Variants in SHISA6 observed in about 807,000 individuals in gnomAD.
SHISA6 encodes protein shisa-6.
A neutral mutation model predicts 47.9 loss-of-function variants in SHISA6; 22 were observed. The ratio of observed to expected loss-of-function variants is 0.46; its 90% confidence interval spans 0.33 to 0.66. The LOEUF is 0.66. Ranked by LOEUF, SHISA6 falls within the 30% of genes least tolerant of loss-of-function variation. The pLI is 0.02. For synonymous variants in SHISA6, 388 were observed against 337.8 expected, an observed-to-expected ratio of 1.15 and a Z score of -1.63; for missense variants, 680 against 764.6, an observed-to-expected ratio of 0.89 and a Z score of 1.30.
intron 3 of SHISA6, among the ~76,000 whole-genome samples, chr17:11,459,126 G>A (rs1446371920): frequency 1.3e-5 from 2 of 151,218 alleles, no homozygotes; most frequent in Non-Finnish European, 2.9e-5. Flanking sequence ...GACTGAGGCA[G>A]GAGAATGGCA....
Position 11,477,388 on chromosome 17 carries a change from A to G in SHISA6, c.896-74508A>G, listed in dbSNP as rs190025332. On this transcript the variant is annotated intron_variant, in intron 3 of 5. Transcript: ENST00000441885. Reference sequence around the variant, plus strand: ...TTAATTGAACATTTTACATGATTCTATTTTCTCTAATTTCTTAACCTATCA... The same window carrying G: ...TTAATTGAACATTTTACATGATTCTGTTTTCTCTAATTTCTTAACCTATCA... Among the ~76,000 whole-genome samples, 332 of 151,956 alleles carry G rather than the reference A, an allele frequency of 2.2e-3. 2 individuals are homozygous for G. Among genetic ancestry groups the G allele is most frequent in the Non-Finnish European group, 2.4e-3 (164 of 67,944 alleles).
intron 2 of SHISA6, among the ~76,000 whole-genome samples, chr17:11,319,298 C>T (rs1459902477): frequency 2.0e-5 from 3 of 152,064 alleles, no homozygotes; most frequent in African/African-American, 2.4e-5. Context: ...AGGCTAGTCT[C>T]GAACTCCTGA....
intron 1 of SHISA6, among the ~76,000 whole-genome samples, chr17:11,247,610 G>T (rs1039413539): frequency 1.3e-5 from 2 of 152,122 alleles, no homozygotes; most frequent in Non-Finnish European, 2.9e-5. Flanking sequence ...AGATTGGTTG[G>T]TGGTGGTGGG....
rs774621058 is a variant in SHISA6 at position 11,514,529 on chromosome 17, C to A, written c.896-37367C>A. On this transcript the variant is annotated intron_variant, in intron 3 of 5. Transcript: ENST00000441885. ...CTGCAGCAGACCTCTCTGTGGCCTG[C>A]ATTGCATCCATCTCTGCTTTCAGCC... Among the ~76,000 whole-genome samples, 12 of 152,218 alleles carry A rather than the reference C, an allele frequency of 7.9e-5. 1 individual carries two copies. Among genetic ancestry groups the A allele is most frequent in the Non-Finnish European group, 1.3e-4 (9 of 68,048 alleles).
rs190973256 is a variant in SHISA6, at chr17:11,392,231, A to G, written c.895+12722A>G. Among the ~76,000 whole-genome samples the G allele has an allele frequency of 1.2e-3, 178 of 151,748 alleles. 1 individual carries two copies. In the East Asian group the frequency reaches 0.028, roughly 24 times the overall value. Reference sequence around the variant, plus strand: ...AAATGTAATGGTTTTCTGGTTTTTCACTAAGAGCAGTTGAACGCCTGAGCC... The same window carrying G: ...AAATGTAATGGTTTTCTGGTTTTTCGCTAAGAGCAGTTGAACGCCTGAGCC... On this transcript the variant is annotated intron_variant, in intron 3 of 5. Coordinates refer to ENST00000441885, the MANE Select transcript of SHISA6 (RefSeq NM_207386.4).
chr17:11,423,259 T>TATATATATATGGCAGTAAC (rs1914504892), intron 3 of SHISA6, among the ~76,000 whole-genome samples: 1 of 147,436 alleles, frequency 6.8e-6, no homozygotes, highest in South Asian at 2.1e-4. Flanking sequence ...ATATATAATA[T>TATATATATATGGCAGTAAC]ATATATATAT....
chr17:11,335,915 G>A (rs2142208672), intron 2 of SHISA6, among the ~76,000 whole-genome samples: 1 of 152,172 alleles, frequency 6.6e-6, no homozygotes, highest in Non-Finnish European at 1.5e-5. Context: ...CCACAAAGTG[G>A]GCCAGGCGTG....
At chr17:11,527,091 C>T (rs2071693666) in intron 3 of SHISA6, among the ~76,000 whole-genome samples, 1 of 151,906 alleles carries the variant, frequency 6.6e-6, no homozygotes, top group Non-Finnish European at 1.5e-5. Flanking sequence ...AGAATACAGA[C>T]CTATTTCTTT....
At chr17:11,280,141 G>T (rs11650237) in intron 2 of SHISA6, among the ~76,000 whole-genome samples, 70,718 of 152,012 alleles carry the variant, frequency 0.47, 16,847 homozygotes, top group Non-Finnish European at 0.52. Context: ...GTTTATGTTG[G>T]TGCTACATAA....
intron 3 of SHISA6, among the ~76,000 whole-genome samples, chr17:11,509,185 G>A (rs1034071997): frequency 6.6e-6 from 1 of 152,180 alleles, no homozygotes; most frequent in African/African-American, 2.4e-5. Flanking sequence ...CCAGCTCATG[G>A]TTTAGGCCAA....
chr17:11,381,176 G>A (rs771020506), intron 3 of SHISA6, among the ~76,000 whole-genome samples: 3 of 152,214 alleles, frequency 2.0e-5, no homozygotes, highest in Admixed American at 6.5e-5. Flanking sequence ...GCAACTGTTA[G>A]GGAGGTTTCT....
chr17:11,485,673 GT>G (rs11307738), intron 3 of SHISA6, among the ~76,000 whole-genome samples: 39,794 of 151,732 alleles, frequency 0.26, 5,245 homozygotes, highest in Admixed American at 0.3. Flanking sequence ...GAGGATTGGA[GT>G]TGGCCCCATT....
Position 11,333,777 on chromosome 17 carries a change from G to C in SHISA6, c.800-45637G>C, listed in dbSNP as rs569190736. On this transcript the variant is annotated intron_variant, in intron 2 of 5. Coordinates refer to ENST00000441885, the MANE Select transcript of SHISA6 (RefSeq NM_207386.4). ...TGGCTGGGCATGGTGGCTCATGCCTGTAGTCCCAGCACTTTAGGAGGCCAA... is the reference window on the plus strand; with the variant it reads ...TGGCTGGGCATGGTGGCTCATGCCTCTAGTCCCAGCACTTTAGGAGGCCAA... 2.3e-3 allele frequency among the ~76,000 whole-genome samples: 353 copies of C among 152,272 alleles called. 2 individuals carry two copies. Among genetic ancestry groups the C allele is most frequent in the Non-Finnish European group, 3.9e-3 (266 of 68,016 alleles).
At chr17:11,552,310 C>T (rs9911694) in intron 4 of SHISA6, among the ~76,000 whole-genome samples, 6,640 of 152,238 alleles carry the variant, frequency 0.044, 481 homozygotes, top group African/African-American at 0.15. Flanking sequence ...ATATCATTTA[C>T]GAAAGACATG....
chr17:11,541,551 C>T (rs1168713698), intron 3 of SHISA6, among the ~76,000 whole-genome samples: 2 of 152,176 alleles, frequency 1.3e-5, no homozygotes, highest in Non-Finnish European at 2.9e-5. Flanking sequence ...GGCAAAGGAA[C>T]TTTAGAACCT....
At chr17:11,554,860 T>C (rs1019647165) in intron 4 of SHISA6, among the ~76,000 whole-genome samples, 4 of 152,062 alleles carry the variant, frequency 2.6e-5, no homozygotes, top group Non-Finnish European at 4.4e-5. Context: ...CCAGATGTCA[T>C]TCATCTGGCC....
At position 11,524,035 on chromosome 17, in the gene SHISA6, AAAAG is replaced by A. The variant is rs1260561015; in HGVS notation, c.896-27849_896-27846del. On this transcript the variant is annotated intron_variant, in intron 3 of 5. Transcript: ENST00000441885. ...AGAAAAAAGAAAAAAGAAAGAAAAG[AAAAG>A]AAAGAAAGAAAAAGAAGAAAGAAAG... 5.9e-5 allele frequency among the ~76,000 whole-genome samples: 9 copies of A among 151,558 alleles called. No individual in the cohort carries two copies. In the South Asian group the frequency reaches 1.1e-3, roughly 18 times the overall value.
chr17:11,555,652 G>C, intron 4 of SHISA6, 88 bp from the exon 5 acceptor site: 1 of 1,380,928 alleles, frequency 7.2e-7, no homozygotes, highest in Non-Finnish European at 9.6e-7. Context: ...AAAGGAGGAT[G>C]GGGATTCGAA....
At chr17:11,360,633 G>A (rs1912237101) in intron 2 of SHISA6, among the ~76,000 whole-genome samples, 1 of 151,800 alleles carries the variant, frequency 6.6e-6, no homozygotes, top group African/African-American at 2.4e-5. Flanking sequence ...CCTGTCCGGG[G>A]GTAGGGGGCA....
Sources: gnomAD v4.1 joint callset for allele counts (sites outside exome capture counted in the v4.1 genomes callset) on GRCh38, gnomAD v4.1.1 for gene constraint, MANE v1.5 for transcripts, NCBI Gene and HGNC (gene_info 2026-07-23, HGNC 2026-07-21) for gene names.